The following LAMA2 variants were observed in gnomAD, a reference collection of about 807,000 sequenced individuals.
LAMA2 encodes laminin subunit alpha-2.
LAMA2 carries 269 observed loss-of-function variants against 364.8 expected under a neutral mutation model. The observed-to-expected ratio is 0.74, with a 90% CI of 0.67 to 0.82. The LOEUF is 0.82. LAMA2 is among the 40% of genes least tolerant of loss of function. The pLI is 0.00. For synonymous variants in LAMA2, 1,379 were observed against 1,370.6 expected (o/e 1.01, Z -0.14); for missense variants, 3,807 against 3,873.2 (o/e 0.98, Z 0.45).
At chr6:129,265,646 G>T (rs1787452021) in intron 15 of LAMA2, among the ~76,000 whole-genome samples, 1 of 151,762 alleles carries the variant, frequency 6.6e-6, no homozygotes, top group African/African-American at 2.4e-5. Context: ...ATTTTGGGTT[G>T]GTTGTGGGGG....
At chr6:129,193,555 T>C (rs565653011) in intron 12 of LAMA2, among the ~76,000 whole-genome samples, 63 of 152,342 alleles carry the variant, frequency 4.1e-4, no homozygotes, top group African/African-American at 1.5e-3. Flanking sequence ...TTTTATTTTA[T>C]CTTGCCTAAT....
At chr6:129,515,867 C>A (rs1240347588) in intron 64 of LAMA2, among the ~76,000 whole-genome samples, 1 of 152,130 alleles carries the variant, frequency 6.6e-6, no homozygotes, top group Non-Finnish European at 1.5e-5. Flanking sequence ...ATGGGGAGAT[C>A]TCTTGAGCCC....
intron 12 of LAMA2, among the ~76,000 whole-genome samples, chr6:129,224,344 T>G (rs974414372): frequency 5.3e-5 from 8 of 152,218 alleles, no homozygotes; most frequent in African/African-American, 1.9e-4. Flanking sequence ...CATTACTTTC[T>G]CCTGCCTGAT....
chr6:129,308,637 CA>C (rs375997130), intron 22 of LAMA2, among the ~76,000 whole-genome samples: 4 of 148,824 alleles, frequency 2.7e-5, no homozygotes, highest in South Asian at 2.1e-4. Flanking sequence ...TGAAGAATTA[CA>C]AAAAAAAACA....
intron 63 of LAMA2, 103 bp from the exon 64 acceptor site, chr6:129,514,270 C>A: frequency 1.1e-6 from 1 of 874,054 alleles, no homozygotes; most frequent in Non-Finnish European, 1.9e-6. Context: ...TCAAATGATT[C>A]TGGCTGATGT....
At chr6:129,146,079 CAA>C (rs1778414697) in intron 5 of LAMA2, among the ~76,000 whole-genome samples, 1 of 149,692 alleles carries the variant, frequency 6.7e-6, no homozygotes, top group East Asian at 1.9e-4. Flanking sequence ...GAAAAAGAAA[CAA>C]AGAAGTAAAT....
chr6:129,173,289 C>T (rs191602116), intron 9 of LAMA2, among the ~76,000 whole-genome samples: 26 of 152,258 alleles, frequency 1.7e-4, no homozygotes, highest in South Asian at 8.3e-4. Flanking sequence ...ATTGACTCTC[C>T]GTCTTGAAAG....
rs574242259 is a variant in LAMA2 at position 129,202,271 on chromosome 6, C to T, written c.1782+9418C>T. Reference sequence around the variant, plus strand: ...AAGATAAGGAAGAATAGTTTCTTGTCAGACCCTATATGCTATGGTCCAAAT... The same window carrying T: ...AAGATAAGGAAGAATAGTTTCTTGTTAGACCCTATATGCTATGGTCCAAAT... On this transcript the variant is annotated intron_variant, in intron 12 of 64. Transcript: ENST00000421865. Among the ~76,000 whole-genome samples, 19 of 151,386 alleles carry T rather than the reference C, an allele frequency of 1.3e-4. 1 individual carries two copies. The highest frequency in any genetic ancestry group is 5.3e-4 in the Admixed American group (8 of 15,208).
intron 55 of LAMA2, among the ~76,000 whole-genome samples, chr6:129,482,961 G>C (rs994707084): frequency 6.6e-5 from 10 of 151,896 alleles, no homozygotes; most frequent in African/African-American, 2.2e-4. Flanking sequence ...CAGTTACTTG[G>C]GAGGCTGAGG....
intron 9 of LAMA2, among the ~76,000 whole-genome samples, chr6:129,170,758 A>G (rs1203322788): frequency 9.9e-5 from 15 of 151,682 alleles, no homozygotes; most frequent in African/African-American, 2.9e-4. Context: ...TGATCTGTCT[A>G]ATGTTGACAG....
At chr6:129,240,857 A>G (rs1340951338) in intron 12 of LAMA2, among the ~76,000 whole-genome samples, 13 of 152,212 alleles carry the variant, frequency 8.5e-5, no homozygotes, top group Non-Finnish European at 1.8e-4. Context: ...CATAGAGTTG[A>G]TTTATGTGTG....
intron 4 of LAMA2, among the ~76,000 whole-genome samples, chr6:129,113,848 C>G (rs554834382): frequency 1.1e-4 from 16 of 151,880 alleles, no homozygotes; most frequent in Admixed American, 7.9e-4. Context: ...AACCATCATC[C>G]TCAGCTGTTC....
chr6:129,093,896 G>A (rs1182968248), intron 3 of LAMA2, among the ~76,000 whole-genome samples: 1 of 152,166 alleles, frequency 6.6e-6, no homozygotes, highest in African/African-American at 2.4e-5. Flanking sequence ...GTTCCTCAAA[G>A]CCTAGCAGTC....
intron 15 of LAMA2, among the ~76,000 whole-genome samples, chr6:129,264,856 G>A (rs769833261): frequency 6.6e-6 from 1 of 152,124 alleles, no homozygotes; most frequent in Non-Finnish European, 1.5e-5. Flanking sequence ...TTGAGAGGTG[G>A]TGACACAAAA....
intron 6 of LAMA2, among the ~76,000 whole-genome samples, chr6:129,147,519 G>C (rs891613677): frequency 6.6e-6 from 1 of 151,954 alleles, no homozygotes; most frequent in Non-Finnish European, 1.5e-5. Context: ...GGTGGAGTGG[G>C]TGAGAGAGTC....
At chr6:129,054,709 T>C (rs1054707118) in intron 2 of LAMA2, among the ~76,000 whole-genome samples, 1 of 148,446 alleles carries the variant, frequency 6.7e-6, no homozygotes, top group Non-Finnish European at 1.5e-5. Flanking sequence ...AATAAATTTA[T>C]ATAAATAATA....
intron 17 of LAMA2, among the ~76,000 whole-genome samples, chr6:129,273,259 T>C (rs2114366627): frequency 6.6e-6 from 1 of 152,294 alleles, no homozygotes; most frequent in South Asian, 2.1e-4. Flanking sequence ...TTGTTTGCCA[T>C]GGCTGAATGG....
chr6:129,166,915 G>C (rs143585181), intron 9 of LAMA2, among the ~76,000 whole-genome samples: 1 of 151,984 alleles, frequency 6.6e-6, no homozygotes, highest in African/African-American at 2.4e-5. Flanking sequence ...TTATATGGTC[G>C]TGCCATAATT....
intron 15 of LAMA2, among the ~76,000 whole-genome samples, chr6:129,264,641 A>C (rs1457465021): frequency 6.6e-6 from 1 of 152,192 alleles, no homozygotes; most frequent in Non-Finnish European, 1.5e-5. Flanking sequence ...GACGTTAAGA[A>C]GCAGGGTCAA....
Sources: gnomAD v4.1 joint callset for allele counts (sites outside exome capture counted in the v4.1 genomes callset) on GRCh38, gnomAD v4.1.1 for gene constraint, MANE v1.5 for transcripts, NCBI Gene and HGNC (gene_info 2026-07-23, HGNC 2026-07-21) for gene names.